The following AUTS2 variants were observed in gnomAD, a reference collection of about 807,000 sequenced individuals.
The protein encoded by AUTS2 is activator of transcription and developmental regulator AUTS2.
Under a neutral mutation model 112.4 loss-of-function variants are expected in AUTS2, and 17 were observed. That is an observed-to-expected ratio of 0.15 (90% confidence interval 0.10 to 0.23). The LOEUF (loss-of-function observed/expected upper bound fraction) is 0.23, where lower values mean the gene tolerates loss of function less well. Among genes scored for constraint, AUTS2 ranks in the 10% least tolerant of loss-of-function variants. The pLI is 1.00. For missense variants in AUTS2, 1,510 were observed against 1,701.6 expected (o/e 0.89, Z 1.98); for synonymous variants, 751 against 702.7 (o/e 1.07, Z -1.09).
intron 2 of AUTS2, among the ~76,000 whole-genome samples, chr7:70,003,214 AT>A (rs1799290731): frequency 7.4e-6 from 1 of 134,942 alleles, no homozygotes. Flanking sequence ...ATATGAATAT[AT>A]TATATATGAA....
At chr7:69,714,833 G>T (rs1798523128) in intron 1 of AUTS2, among the ~76,000 whole-genome samples, 1 of 152,006 alleles carries the variant, frequency 6.6e-6, no homozygotes, top group South Asian at 2.1e-4. Flanking sequence ...CTAATTCACA[G>T]TCATTCTCCA....
At chr7:70,068,091 G>C (rs558990442) in intron 2 of AUTS2, among the ~76,000 whole-genome samples, 1 of 151,578 alleles carries the variant, frequency 6.6e-6, no homozygotes, top group Middle Eastern at 3.2e-3. Flanking sequence ...GAACAAGAAT[G>C]AATTGAAAAC....
At chr7:70,190,830 TGAAG>T (rs1458653112) in intron 4 of AUTS2, among the ~76,000 whole-genome samples, 1 of 152,294 alleles carries the variant, frequency 6.6e-6, no homozygotes, top group East Asian at 1.9e-4. Context: ...TTTTTCAGAA[TGAAG>T]GAAGTGGGTA....
At chr7:70,658,633 G>A (rs535238202) in intron 5 of AUTS2, among the ~76,000 whole-genome samples, 26 of 152,282 alleles carry the variant, frequency 1.7e-4, no homozygotes, top group African/African-American at 6.0e-4. Context: ...AGAACTGCCG[G>A]GGAGATGTCT....
intron 1 of AUTS2, among the ~76,000 whole-genome samples, chr7:69,738,014 C>T (rs1036970243): frequency 6.6e-6 from 1 of 152,012 alleles, no homozygotes; most frequent in African/African-American, 2.4e-5. Flanking sequence ...TTTATGGAAA[C>T]GCTAATTATT....
At chr7:69,667,466 C>G (rs1796114605) in intron 1 of AUTS2, among the ~76,000 whole-genome samples, 1 of 151,330 alleles carries the variant, frequency 6.6e-6, no homozygotes. Flanking sequence ...AACGATTCTC[C>G]TGCCTCAGCC....
At chr7:70,434,846 A>T (rs1250699290) in intron 4 of AUTS2, among the ~76,000 whole-genome samples, 1 of 152,246 alleles carries the variant, frequency 6.6e-6, no homozygotes, top group Non-Finnish European at 1.5e-5. Flanking sequence ...TGACTGAATG[A>T]ATAGATATAT....
intron 5 of AUTS2, among the ~76,000 whole-genome samples, chr7:70,612,684 A>G (rs1373768401): frequency 6.6e-6 from 1 of 152,176 alleles, no homozygotes; most frequent in Non-Finnish European, 1.5e-5. Context: ...AAGTTTGGCA[A>G]TGTATCCACC....
intron 5 of AUTS2, among the ~76,000 whole-genome samples, chr7:70,693,205 C>T (rs1268219470): frequency 2.0e-5 from 3 of 152,286 alleles, no homozygotes; most frequent in South Asian, 4.1e-4. Context: ...GAGTGGGTTG[C>T]TCAGGGGAAT....
chr7:70,636,843 A>G lies in AUTS2; in HGVS notation c.691-61726A>G, dbSNP rs940234952. 2.6e-5 allele frequency among the ~76,000 whole-genome samples: 4 copies of G among 151,728 alleles called. No individual in the cohort carries two copies. The South Asian group carries it at 8.3e-4, about 32-fold the overall frequency. On this transcript the variant is annotated intron_variant, in intron 5 of 18. Coordinates refer to ENST00000342771, the MANE Select transcript of AUTS2 (RefSeq NM_015570.4). ...TTTTTTAAGAGATGGGGGTCTTGCT[A>G]TGTTGCCCAGGCTAGTCTTGAACTC... is the stretch of plus-strand genomic sequence containing the variant.
Position 70,322,453 on chromosome 7 carries a change from A to G in AUTS2, c.661-113299A>G, listed in dbSNP as rs564976885. On this transcript the variant is annotated intron_variant, in intron 4 of 18. Coordinates refer to ENST00000342771, the MANE Select transcript of AUTS2 (RefSeq NM_015570.4). ...CACATCCTGTAGCTCCTACATGCCA[A>G]ACTCCCAGCTTTTTTTATGTGGAGC... 3.3e-5 allele frequency among the ~76,000 whole-genome samples: 5 copies of G among 152,236 alleles called. No individual in the cohort carries two copies. In the East Asian group the frequency reaches 5.8e-4, roughly 18 times the overall value.
intron 2 of AUTS2, among the ~76,000 whole-genome samples, chr7:69,919,459 G>A (rs1584441522): frequency 6.6e-6 from 1 of 152,126 alleles, no homozygotes; most frequent in African/African-American, 2.4e-5. Context: ...AAGAGGTATC[G>A]CAGACACTGT....
At chr7:70,479,801 A>G (rs1318461455) in intron 5 of AUTS2, among the ~76,000 whole-genome samples, 1 of 152,192 alleles carries the variant, frequency 6.6e-6, no homozygotes, top group African/African-American at 2.4e-5. Flanking sequence ...TCCCCTCACC[A>G]CTGTGCTAAC....
chr7:70,086,152 G>C (rs548899934), intron 2 of AUTS2, among the ~76,000 whole-genome samples: 66 of 152,166 alleles, frequency 4.3e-4, no homozygotes, highest in Non-Finnish European at 5.4e-4. Context: ...TTGGCCCTTT[G>C]CATTTGTGTA....
At chr7:70,003,054 G>C (rs1799271251) in intron 2 of AUTS2, among the ~76,000 whole-genome samples, 1 of 149,608 alleles carries the variant, frequency 6.7e-6, no homozygotes, top group Non-Finnish European at 1.5e-5. Context: ...ATCTTTCAAA[G>C]AGTAGGGAAG....
At chr7:70,419,540 A>G (rs1161935922) in intron 4 of AUTS2, among the ~76,000 whole-genome samples, 1 of 152,206 alleles carries the variant, frequency 6.6e-6, no homozygotes, top group Admixed American at 6.5e-5. Flanking sequence ...GTAGCCATAT[A>G]AATAATGTAT....
At chr7:70,522,603 G>C (rs964273569) in intron 5 of AUTS2, among the ~76,000 whole-genome samples, 2 of 152,204 alleles carry the variant, frequency 1.3e-5, no homozygotes, top group Non-Finnish European at 2.9e-5. Flanking sequence ...ATGGCCTCTA[G>C]CTGTATCCAT....
At chr7:69,813,716 T>C (rs1171965817) in intron 1 of AUTS2, among the ~76,000 whole-genome samples, 1 of 152,170 alleles carries the variant, frequency 6.6e-6, no homozygotes, top group African/African-American at 2.4e-5. Flanking sequence ...TGTCTGAAAA[T>C]GGTTTGAATC....
intron 1 of AUTS2, among the ~76,000 whole-genome samples, chr7:69,870,165 A>G (rs544290879): frequency 1.3e-5 from 2 of 152,040 alleles, no homozygotes; most frequent in South Asian, 4.2e-4. Flanking sequence ...TTTATTGTAA[A>G]TCACTGTTGA....
Sources: gnomAD v4.1 joint callset for allele counts (sites outside exome capture counted in the v4.1 genomes callset) on GRCh38, gnomAD v4.1.1 for gene constraint, MANE v1.5 for transcripts, NCBI Gene and HGNC (gene_info 2026-07-23, HGNC 2026-07-21) for gene names.